Variants in NAV1 observed in about 807,000 individuals in gnomAD.
The protein encoded by NAV1 is neuron navigator 1.
In NAV1, 18 loss-of-function variants were observed where a neutral mutation model predicts 175.2. That is an observed-to-expected ratio of 0.10 (90% CI 0.07 to 0.15). The LOEUF is 0.15. NAV1 is among the 10% of genes least tolerant of loss of function. The pLI is 1.00. For missense variants in NAV1, 1,731 were observed against 2,436.6 expected, an observed-to-expected ratio of 0.71 and a Z score of 6.10; for synonymous variants, 897 against 978.7, an observed-to-expected ratio of 0.92 and a Z score of 1.56.
intron 3 of NAV1, among the ~76,000 whole-genome samples, chr1:201,767,995 T>A (rs564062576): frequency 1.3e-5 from 2 of 152,372 alleles, no homozygotes; most frequent in South Asian, 4.1e-4. Context: ...TTCTTTCATT[T>A]GACTTGGATT....
intron 1 of NAV1, among the ~76,000 whole-genome samples, chr1:201,563,210 C>G (rs1354135923): frequency 6.6e-6 from 1 of 152,194 alleles, no homozygotes; most frequent in Non-Finnish European, 1.5e-5. Flanking sequence ...CCTGGTCACG[C>G]TCCCCCTGTG....
At chr1:201,695,579 G>A (rs986716859) in intron 1 of NAV1, among the ~76,000 whole-genome samples, 3 of 152,250 alleles carry the variant, frequency 2.0e-5, no homozygotes, top group African/African-American at 7.2e-5. Flanking sequence ...TCTAAGGCAT[G>A]TTTGTTTCCT....
intron 2 of NAV1, among the ~76,000 whole-genome samples, chr1:201,589,712 G>A (rs1028999470): frequency 1.3e-5 from 2 of 151,956 alleles, no homozygotes; most frequent in African/African-American, 4.8e-5. Context: ...GGCTTATCTC[G>A]AACTCCTGGG....
At chr1:201,819,749 T>A in intron 29 of NAV1, 88 bp from the exon 34 acceptor site, 1 of 1,184,164 alleles carries the variant, frequency 8.4e-7, no homozygotes, top group Admixed American at 1.8e-5. Context: ...CCTCCCAAAG[T>A]GTTGGGATTT....
At chr1:201,608,310 C>T (rs914420054) in intron 2 of NAV1, among the ~76,000 whole-genome samples, 6 of 152,172 alleles carry the variant, frequency 3.9e-5, no homozygotes, top group Non-Finnish European at 8.8e-5. Context: ...TTCAGTGTGG[C>T]GATGAGAGCT....
At chr1:201,544,037 G>C (rs991960660) in intron 1 of NAV1, among the ~76,000 whole-genome samples, 1 of 152,242 alleles carries the variant, frequency 6.6e-6, no homozygotes, top group Non-Finnish European at 1.5e-5. Context: ...GTCATCCTGA[G>C]ACTCAGAGGG....
At chr1:201,627,795 A>C (rs1030525993) in intron 1 of NAV1, among the ~76,000 whole-genome samples, 7 of 151,622 alleles carry the variant, frequency 4.6e-5, no homozygotes, top group African/African-American at 1.7e-4. Flanking sequence ...AAACCAACCA[A>C]CCCCAGTCTT....
At chr1:201,575,407 A>T (rs548158743) in intron 1 of NAV1, among the ~76,000 whole-genome samples, 5 of 152,316 alleles carry the variant, frequency 3.3e-5, no homozygotes, top group African/African-American at 9.6e-5. Flanking sequence ...AATTTATAGC[A>T]TGTCCAGTTC....
intron 1 of NAV1, among the ~76,000 whole-genome samples, chr1:201,560,265 G>T (rs1487941218): frequency 6.6e-6 from 1 of 152,184 alleles, no homozygotes; most frequent in Non-Finnish European, 1.5e-5. Context: ...GGGTGATAGA[G>T]TATGGGACAG....
At chr1:201,700,291 T>G (rs1232187917) in intron 1 of NAV1, among the ~76,000 whole-genome samples, 3 of 152,196 alleles carry the variant, frequency 2.0e-5, no homozygotes, top group Non-Finnish European at 4.4e-5. Flanking sequence ...GAACAGACAC[T>G]TCTCGAAAGA....
chr1:201,725,923 C>T (rs978212135), intron 3 of NAV1, among the ~76,000 whole-genome samples: 18 of 152,286 alleles, frequency 1.2e-4, no homozygotes, highest in Middle Eastern at 3.4e-3. Flanking sequence ...CACCCCTGCA[C>T]ACCAGCCTGG....
chr1:201,649,444 C>T lies in NAV1; in HGVS notation c.757+19C>T. On this transcript the variant is annotated intron_variant, in intron 1 of 29. Transcript: ENST00000367296. ...ATGCTGGGTAAGTCCTGCCGCCCCG[C>T]CCCGCCCCGCCCCTGGCTTTCTCCT... The T allele has an allele frequency of 6.8e-7, 1 of 1,480,854 alleles. No homozygotes were observed. The highest frequency in any genetic ancestry group is 9.0e-7 in the Non-Finnish European group (1 of 1,114,684). 91.7% of individuals were successfully genotyped at this position (1,480,854 alleles called of 1,614,324 possible). A position where few individuals can be genotyped will look rare whatever the true frequency, so the allele number is the denominator to read the frequency against.
At chr1:201,569,794 C>G (rs1211867574) in intron 1 of NAV1, among the ~76,000 whole-genome samples, 4 of 152,212 alleles carry the variant, frequency 2.6e-5, no homozygotes, top group Non-Finnish European at 5.9e-5. Context: ...TCTCCCTTTG[C>G]TCACCTGGAC....
chr1:201,815,209 A>G (rs1309099275), intron 28 of NAV1, among the ~76,000 whole-genome samples: 1 of 152,112 alleles, frequency 6.6e-6, no homozygotes, highest in East Asian at 1.9e-4. Flanking sequence ...TGTGGTATAT[A>G]TACACACAAT....
intron 3 of NAV1, among the ~76,000 whole-genome samples, chr1:201,769,648 G>T (rs1273823280): frequency 6.6e-6 from 1 of 152,116 alleles, no homozygotes; most frequent in Non-Finnish European, 1.5e-5. Flanking sequence ...CAGTTTAGAT[G>T]ATAAAGTTAG....
intron 1 of NAV1, among the ~76,000 whole-genome samples, chr1:201,693,266 C>T (rs10920232): frequency 0.019 from 2,902 of 152,282 alleles, 89 homozygotes; most frequent in African/African-American, 0.066. Flanking sequence ...TCAAGTGATA[C>T]GCAGGCTGTG....
At chr1:201,677,327 G>A (rs948870091) in intron 1 of NAV1, among the ~76,000 whole-genome samples, 7 of 151,604 alleles carry the variant, frequency 4.6e-5, no homozygotes, top group Non-Finnish European at 8.8e-5. Flanking sequence ...AGGTCCAGAA[G>A]GTCTGAGCAA....
rs796915102 is a variant in NAV1 at position 201,718,049 on chromosome 1, G to A, written c.861-341G>A. On this transcript the variant is annotated intron_variant, in intron 2 of 29. Coordinates refer to ENST00000367296, the Ensembl canonical transcript of NAV1. The surrounding 1 kb of genome is among the most constrained non-coding windows in gnomAD (Gnocchi z 4.8). The stretch of plus-strand genomic sequence containing the variant: ...CCATTATCCCCATTGTACAGATGGG[G>A]AAACTGAAGCTTTAGTTATTTACTT... 6.6e-5 allele frequency among the ~76,000 whole-genome samples: 10 copies of A among 152,312 alleles called. No homozygotes were observed. Among genetic ancestry groups the A allele is most frequent in the African/African-American group, 2.4e-4 (10 of 41,562 alleles).
At chr1:201,549,252 G>A (rs1279628182) in intron 1 of NAV1, among the ~76,000 whole-genome samples, 3 of 150,770 alleles carry the variant, frequency 2.0e-5, no homozygotes, top group Non-Finnish European at 2.9e-5. Context: ...CTGTCACCCA[G>A]GCTGGAGTGC....
Sources: gnomAD v4.1 joint callset for allele counts (sites outside exome capture counted in the v4.1 genomes callset) on GRCh38, gnomAD v4.1.1 for gene constraint, Gnocchi (gnomAD v3.1) non-coding constraint, MANE v1.5 for transcripts, NCBI Gene and HGNC (gene_info 2026-07-23, HGNC 2026-07-21) for gene names.